ATF2: variants seen among roughly 807,000 people sequenced by gnomAD.
ATF2 encodes the protein cyclic AMP-dependent transcription factor ATF-2.
In ATF2, 24 loss-of-function variants were observed where a neutral mutation model predicts 60.6. That is an observed-to-expected ratio of 0.40 (90% confidence interval 0.29 to 0.56). ATF2 has a LOEUF of 0.56. Among genes scored for constraint, ATF2 ranks in the 20% least tolerant of loss-of-function variants. The probability of loss-of-function intolerance (pLI) is 0.54; values close to 1 mark genes in which losing one functional copy is unlikely to be tolerated. For missense variants in ATF2, 433 were observed against 607.7 expected (o/e 0.71, Z 3.02); for synonymous variants, 206 against 215.4 (o/e 0.96, Z 0.38).
At chr2:175,101,714 C>G (rs754039970) in intron 10 of ATF2, among the ~76,000 whole-genome samples, 3 of 152,102 alleles carry the variant, frequency 2.0e-5, no homozygotes, top group Non-Finnish European at 4.4e-5. Context: ...AAAGCAGCAT[C>G]AGTATTCATT....
At chr2:175,148,316 T>C (rs1032825012) in intron 2 of ATF2, among the ~76,000 whole-genome samples, 1 of 152,058 alleles carries the variant, frequency 6.6e-6, no homozygotes, top group Non-Finnish European at 1.5e-5. Flanking sequence ...CTAAAGGAAG[T>C]AATGCCTGAG....
rs758701834 is a variant in ATF2 at position 175,130,153 on chromosome 2, C to T, written c.87G>A (p.Ala29=). ...MSDDKPFLCT[A]PGCGQRFTNE... ...TATATATTACCTGGCCACATCCAGG[C>T]GCAGTACATAGAAAGGGTTTGTCAT... Residue 29 remains alanine (A), a synonymous_variant, in exon 4 of 14, where the codon GCG becomes GCA. Coordinates refer to ENST00000264110, the MANE Select transcript of ATF2 (RefSeq NM_001880.4). 42 of 1,592,868 alleles carry T rather than the reference C, an allele frequency of 2.6e-5. No homozygotes were observed. The highest frequency in any genetic ancestry group is 4.0e-5 in the African/African-American group (3 of 74,256).
At chr2:175,127,992 G>C (rs931769744) in intron 4 of ATF2, among the ~76,000 whole-genome samples, 1 of 152,086 alleles carries the variant, frequency 6.6e-6, no homozygotes, top group South Asian at 2.1e-4. Context: ...TAACTGACTG[G>C]AACACTAACT....
chr2:175,114,843 T>C lies in ATF2; in HGVS notation c.473A>G (p.Gln158Arg), dbSNP rs1559080666. Reference protein sequence around the residue: ...EKEVPLAQTAQPTSAIVRPAS... With the variant: ...EKEVPLAQTARPTSAIVRPAS... ...TGGACGAACAATAGCTGATGTGGGC[T>C]GTGCAGTTTGTGCCAATGGTACTTC... The change falls in exon 8 of 14, where the codon CAG becomes CGG. Residue 158 changes from glutamine (Q) to arginine (R), a missense_variant. Physicochemically the swap from Gln to Arg is conservative, Grantham distance 43 (BLOSUM62 1). Transcript: ENST00000264110. 1 of 1,613,516 alleles carries C rather than the reference T, an allele frequency of 6.2e-7. No individual in the cohort carries two copies.
At position 175,114,118 on chromosome 2, in the gene ATF2, A is replaced by G. The variant is rs1696386168; in HGVS notation, c.627-10T>C. The G allele has an allele frequency of 6.4e-7, 1 of 1,564,202 alleles. No individual in the cohort carries two copies. The highest frequency in any genetic ancestry group is 1.4e-5 in the African/African-American group (1 of 71,880). On this transcript the variant is annotated splice_polypyrimidine_tract_variant and intron_variant, in intron 8 of 13. Transcript: ENST00000264110. Reference sequence around the variant, plus strand: ...TGGGCCTGGTACAGGGCTAAGAAAAACAAAAGAAGAGAAATTTTAAAAAAG... The same window carrying G: ...TGGGCCTGGTACAGGGCTAAGAAAAGCAAAAGAAGAGAAATTTTAAAAAAG...
At chr2:175,075,181 A>C in intron 13 of ATF2, 1 of 776,570 alleles carries the variant, frequency 1.3e-6, no homozygotes, top group Non-Finnish European at 1.7e-6. Context: ...TAACAAACTC[A>C]GTCTGGTTGG....
At chr2:175,088,485 C>T (rs368522259) in intron 12 of ATF2, among the ~76,000 whole-genome samples, 1 of 152,080 alleles carries the variant, frequency 6.6e-6, no homozygotes, top group East Asian at 1.9e-4. Flanking sequence ...AATTCTCTAG[C>T]TATAAAAGTG....
chr2:175,100,546 T>A (rs1235486181), intron 10 of ATF2, among the ~76,000 whole-genome samples: 2 of 152,226 alleles, frequency 1.3e-5, no homozygotes, highest in Admixed American at 6.5e-5. Flanking sequence ...GCAAAATTTA[T>A]TCAAAGACCT....
intron 2 of ATF2, among the ~76,000 whole-genome samples, chr2:175,148,182 T>G (rs1699079294): frequency 6.6e-6 from 1 of 152,190 alleles, no homozygotes; most frequent in African/African-American, 2.4e-5. Flanking sequence ...TGTCTTGTGA[T>G]TGGATCCGAG....
At chr2:175,120,188 T>C (rs1265145436) in intron 5 of ATF2, among the ~76,000 whole-genome samples, 1 of 151,628 alleles carries the variant, frequency 6.6e-6, no homozygotes, top group Non-Finnish European at 1.5e-5. Flanking sequence ...GCAGAAAGTT[T>C]CAGAGAAACA....
chr2:175,119,001 GA>G (rs1328451815), intron 5 of ATF2, among the ~76,000 whole-genome samples: 1 of 151,750 alleles, frequency 6.6e-6, no homozygotes, highest in East Asian at 1.9e-4. Flanking sequence ...CATGCCTCCA[GA>G]ATGTTCTAGC....
intron 1 of ATF2, among the ~76,000 whole-genome samples, chr2:175,155,800 T>C (rs1224076487): frequency 6.6e-6 from 1 of 152,220 alleles, no homozygotes; most frequent in Non-Finnish European, 1.5e-5. Flanking sequence ...TTAAAACCAA[T>C]GACAGCATCA....
chr2:175,153,999 C>T (rs967646041), intron 1 of ATF2, among the ~76,000 whole-genome samples: 3 of 151,602 alleles, frequency 2.0e-5, no homozygotes, highest in Non-Finnish European at 4.4e-5. Flanking sequence ...GTGGGCGGAT[C>T]ACCTGAGGTC....
At chr2:175,158,113 T>C (rs959922613) in intron 1 of ATF2, among the ~76,000 whole-genome samples, 13 of 152,180 alleles carry the variant, frequency 8.5e-5, no homozygotes, top group Admixed American at 7.9e-4. Flanking sequence ...ATCCTAGAGA[T>C]CACCTTGGGA....
chr2:175,074,736 C>A lies in ATF2; in HGVS notation c.1391G>T (p.Ser464Ile). 6.2e-7 allele frequency: 1 copy of A among 1,613,512 alleles called. No individual in the cohort carries two copies. The highest frequency in any genetic ancestry group is 8.5e-7 in the Non-Finnish European group (1 of 1,179,706). Residue 464 changes from serine to isoleucine, a missense_variant, in exon 14 of 14, where the codon AGT (serine) becomes ATT (isoleucine). Physicochemically the swap from Ser to Ile is moderately radical, Grantham distance 142. Coordinates refer to ENST00000264110, the MANE Select transcript of ATF2 (RefSeq NM_001880.4). The part of the protein sequence containing the change: ...HSSVSTSNGV[S>I]STSKAEAVAT... Reference sequence around the variant, plus strand: ...TACAGCTTCTGCCTTGGAGGTTGAACTGACTCCATTGGATGTGCTGACCGA... The same window carrying A: ...TACAGCTTCTGCCTTGGAGGTTGAAATGACTCCATTGGATGTGCTGACCGA...
rs75006827 is a variant in ATF2, at chr2:175,092,065, A to G, written c.1185+996T>C. Among the ~76,000 whole-genome samples, 91 of 152,334 alleles carry G rather than the reference A, an allele frequency of 6.0e-4. 1 individual carries two copies. The South Asian group carries it at 0.011, about 18-fold the overall frequency. The stretch of plus-strand genomic sequence containing the variant: ...ATCATGTCAATATTCAAAGCAAAAT[A>G]AAGACTTAAAGATGTCTGCTTCACA... On this transcript the variant is annotated intron_variant, in intron 12 of 13. Coordinates refer to ENST00000264110, the MANE Select transcript of ATF2 (RefSeq NM_001880.4).
intron 1 of ATF2, among the ~76,000 whole-genome samples, chr2:175,157,049 G>C (rs1003973687): frequency 2.6e-5 from 4 of 152,056 alleles, no homozygotes; most frequent in African/African-American, 7.2e-5. Flanking sequence ...TTCACATAAA[G>C]TTTCTAAAGG....
intron 5 of ATF2, among the ~76,000 whole-genome samples, chr2:175,120,156 C>T (rs1050251437): frequency 6.6e-6 from 1 of 151,686 alleles, no homozygotes; most frequent in African/African-American, 2.4e-5. Flanking sequence ...AAGAGTTACA[C>T]ACAGACAGAG....
chr2:175,085,450 G>A (rs1468007413), intron 12 of ATF2, among the ~76,000 whole-genome samples: 1 of 151,964 alleles, frequency 6.6e-6, no homozygotes, highest in Non-Finnish European at 1.5e-5. Flanking sequence ...CAGGAGAACT[G>A]CTTGAATTCA....
Sources: gnomAD v4.1 joint callset for allele counts (sites outside exome capture counted in the v4.1 genomes callset) on GRCh38, gnomAD v4.1.1 for gene constraint, MANE v1.5 for transcripts, NCBI Gene and HGNC (gene_info 2026-07-23, HGNC 2026-07-21) for gene names.